Variants in KDM3A observed in about 807,000 individuals in gnomAD.
The protein encoded by KDM3A is lysine-specific demethylase 3A.
Under a neutral mutation model 158.0 loss-of-function variants are expected in KDM3A, and 60 were observed. The ratio of observed to expected loss-of-function variants is 0.38; its 90% CI spans 0.31 to 0.47. The LOEUF is 0.47. Ranked by LOEUF, KDM3A falls within the 20% of genes least tolerant of loss-of-function variation. KDM3A has a pLI of 0.99. For synonymous variants in KDM3A, 608 were observed against 549.3 expected (o/e 1.11, Z -1.49); for missense variants, 1,319 against 1,574.3 (o/e 0.84, Z 2.74).
At position 86,481,948 on chromosome 2, in the gene KDM3A, C is replaced by G. The variant is rs1209950765; in HGVS notation, c.2531C>G (p.Pro844Arg). 6.2e-7 allele frequency: 1 copy of G among 1,609,538 alleles called. No homozygotes were observed. The highest frequency in any genetic ancestry group is 1.7e-5 in the Admixed American group (1 of 59,114). Reference protein sequence around the residue: ...KENKEKQPTMPILKNEIKCLP... With the variant: ...KENKEKQPTMRILKNEIKCLP... ...ATTTTAGAAAAACAACCAACAATGCCAATTTTAAAGAATGAAATCAAATGC... is the reference window on the plus strand; with the variant it reads ...ATTTTAGAAAAACAACCAACAATGCGAATTTTAAAGAATGAAATCAAATGC... Residue 844 changes from proline (P) to arginine (R), a missense_variant, in exon 17 of 26, where the codon CCA (proline) becomes CGA (arginine). Coordinates refer to ENST00000312912, the MANE Select transcript of KDM3A (RefSeq NM_018433.6).
chr2:86,442,302 C>T (rs1682760556), intron 2 of KDM3A, 69 bp downstream of exon 2: 3 of 1,427,194 alleles, frequency 2.1e-6, no homozygotes, highest in Admixed American at 2.2e-5. Context: ...CCATCGGTTC[C>T]CTCCTTCCGT....
At chr2:86,455,810 G>T (rs139021181) in intron 5 of KDM3A, among the ~76,000 whole-genome samples, 103 of 151,818 alleles carry the variant, frequency 6.8e-4, no homozygotes, top group African/African-American at 2.2e-3. Flanking sequence ...AAAAAAATTA[G>T]CCCGGTGTGG....
At position 86,442,034 on chromosome 2, in the gene KDM3A, C is replaced by G. The variant is rs1194823484; in HGVS notation, c.-14C>G. On this transcript the variant is annotated 5_prime_UTR_variant, in exon 2 of 26. Coordinates refer to ENST00000312912, the MANE Select transcript of KDM3A (RefSeq NM_018433.6). The stretch of plus-strand genomic sequence containing the variant: ...TTTTTGCAGGGAGGAGCTCTTCCTG[C>G]AGGCGTGGAAACCATGGTGCTCACG... 1 of 1,613,040 alleles carries G rather than the reference C, an allele frequency of 6.2e-7. No homozygotes were observed. Among genetic ancestry groups the G allele is most frequent in the Admixed American group, 1.7e-5 (1 of 59,988 alleles).
At chr2:86,485,922 AT>A in intron 21 of KDM3A, 63 bp downstream of exon 21, 1 of 1,563,380 alleles carries the variant, frequency 6.4e-7, no homozygotes, top group East Asian at 2.3e-5. Context: ...TGGAAAATTG[AT>A]TTTGTGGGAG....
intron 10 of KDM3A, among the ~76,000 whole-genome samples, 186 bp from the exon 11 acceptor site, chr2:86,470,018 A>G (rs892051917): frequency 3.3e-5 from 5 of 152,218 alleles, no homozygotes; most frequent in African/African-American, 1.2e-4. Context: ...TAAAGAGAGT[A>G]AAACTTTCCC....
chr2:86,468,135 G>C (rs1280271259), intron 10 of KDM3A, among the ~76,000 whole-genome samples: 9 of 152,170 alleles, frequency 5.9e-5, no homozygotes, highest in African/African-American at 9.7e-5. Flanking sequence ...TGAAATTAGA[G>C]GGCAAGATGG....
At chr2:86,474,273 T>C (rs992649130) in intron 11 of KDM3A, among the ~76,000 whole-genome samples, 5 of 152,232 alleles carry the variant, frequency 3.3e-5, no homozygotes, top group Non-Finnish European at 7.3e-5. Context: ...AAAAAGTGTT[T>C]TTAATCTTCC....
At chr2:86,441,984 G>A (rs1269943463) in intron 1 of KDM3A, 34 bp from the exon 2 acceptor site, 1 of 1,348,654 alleles carries the variant, frequency 7.4e-7, no homozygotes, top group African/African-American at 1.5e-5. Flanking sequence ...CCCACCGGCC[G>A]CCCCCGTCGC....
chr2:86,477,239 T>C (rs1266182259), intron 12 of KDM3A, among the ~76,000 whole-genome samples: 1 of 152,334 alleles, frequency 6.6e-6, no homozygotes, highest in Middle Eastern at 3.4e-3. Flanking sequence ...CCTGGGTGCC[T>C]GCATCATTCC....
intron 2 of KDM3A, 25 bp from the exon 3 acceptor site, chr2:86,449,782 C>T: frequency 6.4e-7 from 1 of 1,572,244 alleles, no homozygotes. Context: ...TCTGCTTCCC[C>T]CACCCCCCAA....
intron 11 of KDM3A, among the ~76,000 whole-genome samples, chr2:86,474,396 C>T (rs1673551449): frequency 6.6e-6 from 1 of 151,972 alleles, no homozygotes; most frequent in Admixed American, 6.6e-5. Context: ...GGCACGGTGG[C>T]TCATGCCTGT....
rs1282070950 is a variant in KDM3A at position 86,481,601 on chromosome 2, G to A, written c.2513-329G>A. On this transcript the variant is annotated intron_variant, in intron 16 of 25. Coordinates refer to ENST00000312912, the MANE Select transcript of KDM3A (RefSeq NM_018433.6). ...CTGGAAGTCCTGGTCAGTGCATTCA[G>A]GGAAAAAAAATGTGTAAAGAGAATG... is the stretch of plus-strand genomic sequence containing the variant. Among the ~76,000 whole-genome samples, 4 of 151,498 alleles carry A rather than the reference G, an allele frequency of 2.6e-5. No homozygotes were observed. In the East Asian group the frequency reaches 7.7e-4, roughly 29 times the overall value.
chr2:86,442,047 C>T lies in KDM3A; in HGVS notation c.-1C>T. The T allele has an allele frequency of 6.2e-7, 1 of 1,613,968 alleles. No homozygotes were observed. The highest frequency in any genetic ancestry group is 8.5e-7 in the Non-Finnish European group (1 of 1,179,948). On this transcript the variant is annotated 5_prime_UTR_variant, in exon 2 of 26. Coordinates refer to ENST00000312912, the MANE Select transcript of KDM3A (RefSeq NM_018433.6). ...GAGCTCTTCCTGCAGGCGTGGAAAC[C>T]ATGGTGCTCACGCTCGGAGAAAGTT...
chr2:86,464,525 A>G (rs765166938), intron 9 of KDM3A, among the ~76,000 whole-genome samples: 2 of 152,228 alleles, frequency 1.3e-5, no homozygotes, highest in Non-Finnish European at 2.9e-5. Flanking sequence ...TGTACATGGA[A>G]GACTGAGGTC....
chr2:86,455,463 G>A (rs941750749), intron 5 of KDM3A, among the ~76,000 whole-genome samples: 2 of 151,756 alleles, frequency 1.3e-5, no homozygotes, highest in African/African-American at 4.8e-5. Flanking sequence ...ATTTCACCAT[G>A]TTGGCCAGGC....
chr2:86,488,800 G>A (rs1674312288), intron 21 of KDM3A: 1 of 155,498 alleles, frequency 6.4e-6, no homozygotes, highest in Non-Finnish European at 1.4e-5. Flanking sequence ...ATTAGCCACA[G>A]ACTGAACACT....
chr2:86,492,380 G>A lies in KDM3A; in HGVS notation c.*261G>A, dbSNP rs969652155. The stretch of plus-strand genomic sequence containing the variant: ...TACCAGGCTGTAAAAGCAAAACCTC[G>A]TATCAGCTCTGGAACAATACCTGCA... On this transcript the variant is annotated 3_prime_UTR_variant, in exon 26 of 26. Coordinates refer to ENST00000312912, the MANE Select transcript of KDM3A (RefSeq NM_018433.6). 5 of 410,718 alleles carry A rather than the reference G, an allele frequency of 1.2e-5. No homozygotes were observed. Among genetic ancestry groups the A allele is most frequent in the Non-Finnish European group, 2.2e-5 (5 of 226,680 alleles). The allele number at this position is 410,718 out of a possible 1,614,324, so 25.4% of individuals were successfully genotyped here. A position where few individuals can be genotyped will look rare whatever the true frequency, so the allele number is the denominator to read the frequency against.
chr2:86,445,589 G>A (rs1477820536), intron 2 of KDM3A, among the ~76,000 whole-genome samples: 1 of 151,988 alleles, frequency 6.6e-6, no homozygotes, highest in Non-Finnish European at 1.5e-5. Context: ...GTCCTTACAG[G>A]TGTCCTTAGC....
intron 22 of KDM3A, 23 bp from the exon 23 acceptor site, chr2:86,489,497 T>A: frequency 6.2e-7 from 1 of 1,611,676 alleles, no homozygotes; most frequent in Non-Finnish European, 8.5e-7. Flanking sequence ...TGGTCTGATA[T>A]CTGCTTTCTC....
Sources: allele counts gnomAD v4.1 joint callset (sites outside exome capture counted in the v4.1 genomes callset), GRCh38; gene constraint gnomAD v4.1.1; transcripts MANE v1.5; gene names NCBI Gene and HGNC (gene_info 2026-07-23, HGNC 2026-07-21).